The following TMEM38A variants were observed in gnomAD, a reference collection of about 807,000 sequenced individuals.
TMEM38A encodes transmembrane protein 38A, also known as trimeric intracellular cation channel type A.
A neutral mutation model predicts 28.6 loss-of-function variants in TMEM38A; 17 were observed. That is an observed-to-expected ratio of 0.60 (90% CI 0.41 to 0.89). The LOEUF is 0.89. Ranked by LOEUF, TMEM38A falls within the 40% of genes least tolerant of loss-of-function variation. TMEM38A has a pLI of 0.00. For missense variants in TMEM38A, 328 were observed against 393.1 expected (o/e 0.83, Z 1.40); for synonymous variants, 169 against 166.1 (o/e 1.02, Z -0.14).
intron 1 of TMEM38A, among the ~76,000 whole-genome samples, chr19:16,662,466 T>A (rs1271791505): frequency 4.2e-5 from 6 of 142,334 alleles, no homozygotes; most frequent in African/African-American, 1.6e-4. Context: ...TTTGCGGTTT[T>A]TTTTTTAGAT....
intron 4 of TMEM38A, 55 bp downstream of exon 4, chr19:16,682,563 A>C: frequency 6.6e-7 from 1 of 1,519,332 alleles, no homozygotes; most frequent in Non-Finnish European, 9.1e-7. Context: ...CGGGTGCCTG[A>C]CCCTGAGTTG....
chr19:16,688,338 C>T lies in TMEM38A; in HGVS notation c.867C>T (p.Gly289=). The T allele has an allele frequency of 6.2e-7, 1 of 1,603,074 alleles. No individual in the cohort carries two copies. The highest frequency in any genetic ancestry group is 8.5e-7 in the Non-Finnish European group (1 of 1,175,352). ...AGTCCAAGGAGGAGTTGAGCGAGGG[C>T]TCCAGGAAGAAGAAGGCCAAGAAGG... ...PAKSKEELSE[G]SRKKKAKKAD The change falls in exon 6 of 6, where the codon GGC becomes GGT. Residue 289 remains glycine (G), a synonymous_variant. Transcript: ENST00000187762.
intron 1 of TMEM38A, among the ~76,000 whole-genome samples, chr19:16,662,577 C>G (rs1897321036): frequency 1.3e-5 from 2 of 149,374 alleles, no homozygotes; most frequent in South Asian, 4.2e-4. Flanking sequence ...CCTCAGCCTT[C>G]TGAGTAGCTG....
At chr19:16,684,325 A>T (rs1028276262) in intron 4 of TMEM38A, among the ~76,000 whole-genome samples, 1 of 151,704 alleles carries the variant, frequency 6.6e-6, no homozygotes, top group African/African-American at 2.4e-5. Context: ...AAAAAGAAAA[A>T]AAAAATTAGC....
rs369592988 is a variant in TMEM38A at position 16,676,117 on chromosome 19, T to C, written c.125-3867T>C. On this transcript the variant is annotated intron_variant, in intron 1 of 5. Transcript: ENST00000187762. ...GGCTCACACCTGTAATCCCAGCACTTTGTGAGGCCGAGGCAGGCGGATCAC... is the reference window on the plus strand; with the variant it reads ...GGCTCACACCTGTAATCCCAGCACTCTGTGAGGCCGAGGCAGGCGGATCAC... 2.0e-4 allele frequency among the ~76,000 whole-genome samples: 27 copies of C among 133,548 alleles called. No homozygotes were observed. In the East Asian group the frequency reaches 3.7e-3, roughly 18 times the overall value. 87.6% of individuals were successfully genotyped at this position (133,548 alleles called of 152,430 possible).
At chr19:16,671,500 C>T (rs963442239) in intron 1 of TMEM38A, among the ~76,000 whole-genome samples, 1 of 152,056 alleles carries the variant, frequency 6.6e-6, no homozygotes. Context: ...TGAGCCACTG[C>T]GCCTGGCCGT....
intron 1 of TMEM38A, among the ~76,000 whole-genome samples, chr19:16,666,027 C>T (rs1429560120): frequency 5.3e-5 from 8 of 151,994 alleles, no homozygotes; most frequent in Admixed American, 5.2e-4. Context: ...TGTCTCTAGG[C>T]TGGAGTGCAG....
intron 4 of TMEM38A, among the ~76,000 whole-genome samples, chr19:16,685,162 G>T (rs1331219907): frequency 6.6e-6 from 1 of 151,808 alleles, no homozygotes; most frequent in African/African-American, 2.4e-5. Flanking sequence ...TGAGGCGGGT[G>T]GATTATTTGA....
chr19:16,672,294 C>CTATCAATAAGTAATCAAT, intron 1 of TMEM38A, among the ~76,000 whole-genome samples: 1 of 152,088 alleles, frequency 6.6e-6, no homozygotes, highest in Middle Eastern at 3.4e-3. Flanking sequence ...AGGAGAGGGG[C>CTATCAATAAGTAATCAAT]AAGTGTATTG....
At chr19:16,672,446 ATTT>A (rs746189021) in intron 1 of TMEM38A, among the ~76,000 whole-genome samples, 11 of 104,988 alleles carry the variant, frequency 1.0e-4, no homozygotes, top group African/African-American at 2.6e-4. Context: ...AAAAAACCTC[ATTT>A]TTTTTTTTTT....
intron 1 of TMEM38A, among the ~76,000 whole-genome samples, chr19:16,667,308 C>T (rs1035466604): frequency 6.6e-5 from 10 of 151,736 alleles, no homozygotes; most frequent in African/African-American, 2.4e-4. Flanking sequence ...AAATGCAGAA[C>T]CCAGGCCCCA....
At chr19:16,668,571 C>T (rs1225175756) in intron 1 of TMEM38A, among the ~76,000 whole-genome samples, 1 of 151,276 alleles carries the variant, frequency 6.6e-6, no homozygotes, top group Non-Finnish European at 1.5e-5. Flanking sequence ...AACTCCTGGG[C>T]TCAGGAGATC....
intron 1 of TMEM38A, among the ~76,000 whole-genome samples, chr19:16,677,396 G>A (rs772628036): frequency 7.9e-5 from 12 of 152,190 alleles, no homozygotes; most frequent in Non-Finnish European, 1.0e-4. Flanking sequence ...GTGCAGTGGT[G>A]CACTCATGGC....
chr19:16,680,661 G>A (rs2086778363), intron 3 of TMEM38A, 80 bp downstream of exon 3: 1 of 1,452,080 alleles, frequency 6.9e-7, no homozygotes, highest in Admixed American at 1.8e-5. Context: ...CCCCAGCTAG[G>A]AAAGCCATTG....
rs2122596214 is a variant in TMEM38A, at chr19:16,682,361, A to T, written c.467-60A>T. On this transcript the variant is annotated intron_variant, in intron 3 of 5. Transcript: ENST00000187762. ...GGAGAGACTGCTTCCTTGGGAATTC[A>T]AACAAGAGGAAAGGAGACCTGGGGG... 4 of 1,417,612 alleles carry T rather than the reference A, an allele frequency of 2.8e-6. No individual in the cohort carries two copies. The East Asian group carries it at 9.1e-5, about 32-fold the overall frequency. The allele number at this position is 1,417,612 out of a possible 1,614,324, so 87.8% of individuals were successfully genotyped here. A position where few individuals can be genotyped will look rare whatever the true frequency, so the allele number is the denominator to read the frequency against.
intron 1 of TMEM38A, among the ~76,000 whole-genome samples, chr19:16,676,756 T>A (rs1012102546): frequency 2.4e-5 from 2 of 84,170 alleles, no homozygotes; most frequent in Middle Eastern, 5.9e-3. Context: ...TTTCATGACC[T>A]TTTTTTTTTT....
In TMEM38A at chr19:16,675,302, C is replaced by T. The variant is rs1337244987; in HGVS notation, c.125-4682C>T. ...AGGCTGGAGTGCAGTGCCTTGATCA[C>T]GGCTCACTGCAGCCTCAACCTTCCA... On this transcript the variant is annotated intron_variant, in intron 1 of 5. Coordinates refer to ENST00000187762, the MANE Select transcript of TMEM38A (RefSeq NM_024074.4). Among the ~76,000 whole-genome samples, 14 of 152,156 alleles carry T rather than the reference C, an allele frequency of 9.2e-5. No individual in the cohort carries two copies. In the East Asian group the frequency reaches 1.9e-3, roughly 21 times the overall value.
intron 4 of TMEM38A, among the ~76,000 whole-genome samples, chr19:16,685,837 A>G: frequency 6.6e-6 from 1 of 152,210 alleles, no homozygotes; most frequent in East Asian, 1.9e-4. Context: ...CCCATCATGC[A>G]TAGGATGACA....
At chr19:16,685,049 TGTAAATAAATAA>T (rs1422494709) in intron 4 of TMEM38A, among the ~76,000 whole-genome samples, 52 of 136,574 alleles carry the variant, frequency 3.8e-4, no homozygotes, top group East Asian at 8.9e-4. Context: ...ACCCTGTCTC[TGTAAATAAATAA>T]ATAAATAAAT....
Sources: gnomAD v4.1 joint callset for allele counts (sites outside exome capture counted in the v4.1 genomes callset) on GRCh38, gnomAD v4.1.1 for gene constraint, MANE v1.5 for transcripts, NCBI Gene and HGNC (gene_info 2026-07-23, HGNC 2026-07-21) for gene names.